POLN: variants seen among roughly 807,000 people sequenced by gnomAD.
POLN encodes DNA polymerase N.
A neutral mutation model predicts 113.5 loss-of-function variants in POLN; 108 were observed. That is an observed-to-expected ratio of 0.95 (90% confidence interval 0.81 to 1.12). The LOEUF (loss-of-function observed/expected upper bound fraction) is 1.12. Ranked by LOEUF, POLN falls within the 50% of genes most tolerant of loss-of-function variation. The pLI, the probability that POLN is intolerant of heterozygous loss-of-function variation, is 0.00. For missense variants in POLN, 1,097 were observed against 1,077.1 expected (o/e 1.02, Z -0.26); for synonymous variants, 386 against 391.5 (o/e 0.99, Z 0.17).
chr4:2,230,772 A>C (rs919267187), intron 2 of POLN: 1 of 152,148 alleles, frequency 6.6e-6, no homozygotes, highest in Non-Finnish European at 1.5e-5. Flanking sequence ...TACAAAGCTC[A>C]CATGGTATTT....
At chr4:2,159,560 C>T (rs1399543594) in intron 13 of POLN, among the ~76,000 whole-genome samples, 6 of 152,122 alleles carry the variant, frequency 3.9e-5, no homozygotes, top group South Asian at 2.1e-4. Flanking sequence ...TAATGGATTA[C>T]GAGTTTAAAA....
chr4:2,187,572 G>A (rs1329497358), intron 7 of POLN, among the ~76,000 whole-genome samples: 1 of 152,010 alleles, frequency 6.6e-6, no homozygotes, highest in Non-Finnish European at 1.5e-5. Flanking sequence ...TAAATATCCA[G>A]GTAGAGGAAG....
chr4:2,078,777 G>A lies in POLN; in HGVS notation c.2387+2181C>T, dbSNP rs1006549577. On this transcript the variant is annotated intron_variant, in intron 23 of 25. Transcript: ENST00000511885. ...GAAGCATTTCCTCGTGACAGCCAATGGCTGATGACAGAAGGATGACCAGCG... is the reference window on the plus strand; with the variant it reads ...GAAGCATTTCCTCGTGACAGCCAATAGCTGATGACAGAAGGATGACCAGCG... 3.0e-6 allele frequency: 3 copies of A among 985,340 alleles called. No individual in the cohort carries two copies. In the African/African-American group the frequency reaches 5.2e-5, roughly 17 times the overall value. The allele number at this position is 985,340 out of a possible 1,614,324, so 61.0% of individuals were successfully genotyped here.
chr4:2,140,111 C>T (rs1459214948), intron 16 of POLN: 2 of 152,192 alleles, frequency 1.3e-5, no homozygotes, highest in Non-Finnish European at 1.5e-5. Flanking sequence ...CAGAGTCTCA[C>T]TCTGTCGCCC....
intron 19 of POLN, among the ~76,000 whole-genome samples, chr4:2,122,555 G>C (rs1731467725): frequency 6.6e-6 from 1 of 152,134 alleles, no homozygotes; most frequent in African/African-American, 2.4e-5. Context: ...ACACTCACCA[G>C]GATGGCTAGA....
chr4:2,232,073 T>C (rs778982396), intron 2 of POLN: 2 of 1,601,612 alleles, frequency 1.2e-6, no homozygotes, highest in Non-Finnish European at 8.5e-7. Context: ...GTTTTTCTTT[T>C]TGTCTTCACA....
At chr4:2,150,262 G>A (rs1276335336) in intron 16 of POLN, among the ~76,000 whole-genome samples, 1 of 151,874 alleles carries the variant, frequency 6.6e-6, no homozygotes, top group East Asian at 1.9e-4. Context: ...TTTATTAATT[G>A]TATTATTTCC....
chr4:2,141,706 T>G (rs536735226), intron 16 of POLN, among the ~76,000 whole-genome samples: 1 of 152,322 alleles, frequency 6.6e-6, no homozygotes, highest in South Asian at 2.1e-4. Flanking sequence ...CTCTCCTCCA[T>G]GAACCAGTGA....
intron 19 of POLN, among the ~76,000 whole-genome samples, chr4:2,118,407 T>G (rs893620674): frequency 1.3e-5 from 2 of 152,232 alleles, no homozygotes; most frequent in African/African-American, 4.8e-5. Context: ...ATTCTTCACT[T>G]TCATTCCTAC....
At chr4:2,100,310 A>T (rs1210515800) in intron 19 of POLN, among the ~76,000 whole-genome samples, 1 of 152,216 alleles carries the variant, frequency 6.6e-6, no homozygotes, top group African/African-American at 2.4e-5. Context: ...GCCATAAAAA[A>T]TTCCACGGTA....
chr4:2,165,902 G>A (rs1373161346), intron 13 of POLN, among the ~76,000 whole-genome samples: 4 of 151,996 alleles, frequency 2.6e-5, no homozygotes, highest in South Asian at 2.1e-4. Flanking sequence ...TCAGCCTCAC[G>A]AATAGCTGGG....
At chr4:2,239,937 C>T in intron 2 of POLN, 1 of 859,342 alleles carries the variant, frequency 1.2e-6, no homozygotes, top group Non-Finnish European at 1.8e-6. Context: ...AATGTAATCT[C>T]TTCTCAGATG....
chr4:2,198,789 T>A, intron 5 of POLN, 72 bp from the exon 6 acceptor site: 1 of 1,368,118 alleles, frequency 7.3e-7, no homozygotes, highest in South Asian at 1.5e-5. Context: ...ATTTTAAAAT[T>A]AAGCAGAGAG....
At chr4:2,154,992 C>T (rs922255241) in intron 16 of POLN, among the ~76,000 whole-genome samples, 2 of 152,170 alleles carry the variant, frequency 1.3e-5, no homozygotes, top group South Asian at 2.1e-4. Context: ...AGGAGTGCTA[C>T]TCACAAACCA....
intron 19 of POLN, among the ~76,000 whole-genome samples, chr4:2,100,086 G>GAA (rs757827215): frequency 1.4e-5 from 2 of 145,024 alleles, no homozygotes; most frequent in Non-Finnish European, 3.0e-5. Flanking sequence ...GAAAAAAAAA[G>GAA]AAAAAGAAAA....
chr4:2,151,484 T>G (rs1732294653), intron 16 of POLN, among the ~76,000 whole-genome samples: 1 of 152,210 alleles, frequency 6.6e-6, no homozygotes, highest in African/African-American at 2.4e-5. Context: ...GAAAAAAAAG[T>G]ATCTATCCAT....
rs117986986 is a variant in POLN, at chr4:2,202,068, C to A, written c.715-3351G>T. On this transcript the variant is annotated intron_variant, in intron 5 of 25. Coordinates refer to ENST00000511885, the MANE Select transcript of POLN (RefSeq NM_181808.4). Reference sequence around the variant, plus strand: ...TCCTGGAAACACATCAAAACAGAATCTCTTTAAAGCATACATTTCACAGGC... The same window carrying A: ...TCCTGGAAACACATCAAAACAGAATATCTTTAAAGCATACATTTCACAGGC... Among the ~76,000 whole-genome samples the A allele has an allele frequency of 6.0e-3, 907 of 152,218 alleles. 21 individuals are homozygous for A. In the East Asian group the frequency reaches 0.088, roughly 15 times the overall value.
At chr4:2,089,506 GA>G in intron 20 of POLN, 1 of 1,338,194 alleles carries the variant, frequency 7.5e-7, no homozygotes, top group South Asian at 1.3e-5. Context: ...TTCACACTGG[GA>G]AAACTGCAAA....
chr4:2,142,625 C>G (rs200573784), intron 16 of POLN, among the ~76,000 whole-genome samples: 1 of 151,852 alleles, frequency 6.6e-6, no homozygotes, highest in Non-Finnish European at 1.5e-5. Flanking sequence ...GTGTCCCAGA[C>G]AAGCCAGTAG....
Sources: gnomAD v4.1 joint callset for allele counts (sites outside exome capture counted in the v4.1 genomes callset) on GRCh38, gnomAD v4.1.1 for gene constraint, MANE v1.5 for transcripts, NCBI Gene and HGNC (gene_info 2026-07-23, HGNC 2026-07-21) for gene names.